Variants in STAT3 observed in about 807,000 individuals in gnomAD.
STAT3 encodes signal transducer and activator of transcription 3, also known as DNA-binding protein APRF.
Under a neutral mutation model 114.3 loss-of-function variants are expected in STAT3, and 7 were observed. The observed-to-expected ratio is 0.06, with a 90% confidence interval of 0.03 to 0.11. The LOEUF is 0.11. Among genes scored for constraint, STAT3 ranks in the 10% least tolerant of loss-of-function variants. STAT3 has a pLI of 1.00. For synonymous variants in STAT3, 331 were observed against 354.5 expected (o/e 0.93, Z 0.74); for missense variants, 364 against 960.9 (o/e 0.38, Z 8.21).
chr17:42,352,594 G>A lies in STAT3; in HGVS notation c.-23-4055C>T, dbSNP rs2083022352. Among the ~76,000 whole-genome samples the A allele has an allele frequency of 2.7e-5, 4 of 150,798 alleles. No homozygotes were observed. In the South Asian group the frequency reaches 8.4e-4, roughly 32 times the overall value. Reference sequence around the variant, plus strand: ...AAATCTGCCTCACATGGAGGTTGCAGTGAGCCAAGATTGTGCATCTACACT... The same window carrying A: ...AAATCTGCCTCACATGGAGGTTGCAATGAGCCAAGATTGTGCATCTACACT... On this transcript the variant is annotated intron_variant, in intron 1 of 23. Coordinates refer to ENST00000264657, the MANE Select transcript of STAT3 (RefSeq NM_139276.3).
chr17:42,323,203 C>T (rs2144696093), intron 19 of STAT3, 57 bp downstream of exon 19: 1 of 1,614,140 alleles, frequency 6.2e-7, no homozygotes, highest in Non-Finnish European at 8.5e-7. Flanking sequence ...TCCCCTGCCA[C>T]TGGCTTGCTG....
At chr17:42,320,947 TTGTGTGTGTG>T (rs112139000) in intron 21 of STAT3, among the ~76,000 whole-genome samples, 9 of 147,018 alleles carry the variant, frequency 6.1e-5, no homozygotes, top group Non-Finnish European at 4.5e-5. Context: ...TTTCTCTTCT[TTGTGTGTGTG>T]TGTGTGTGTG....
At chr17:42,381,038 G>A (rs902776006) in intron 1 of STAT3, among the ~76,000 whole-genome samples, 13 of 152,144 alleles carry the variant, frequency 8.5e-5, no homozygotes, top group South Asian at 2.1e-4. Flanking sequence ...AGTGGACCTC[G>A]TTTCCACAAT....
chr17:42,343,085 T>C (rs1598432907), intron 4 of STAT3, among the ~76,000 whole-genome samples: 1 of 140,714 alleles, frequency 7.1e-6, no homozygotes, highest in South Asian at 2.2e-4. Context: ...GGCAGGAGGA[T>C]CGCTAGGGCC....
intron 2 of STAT3, 55 bp downstream of exon 2, chr17:42,348,334 C>A (rs2082789003): frequency 6.8e-6 from 11 of 1,611,048 alleles, no homozygotes; most frequent in Non-Finnish European, 8.5e-6. Context: ...GAGTTCATGT[C>A]TCTTGACTCA....
chr17:42,328,182 A>T (rs1415963299), intron 14 of STAT3, among the ~76,000 whole-genome samples: 1 of 152,206 alleles, frequency 6.6e-6, no homozygotes, highest in East Asian at 1.9e-4. Context: ...GCACTAATAC[A>T]CATAGCACTG....
At chr17:42,366,187 T>C (rs975069061) in intron 1 of STAT3, among the ~76,000 whole-genome samples, 1 of 152,112 alleles carries the variant, frequency 6.6e-6, no homozygotes, top group South Asian at 2.1e-4. Context: ...AACCCCTTCA[T>C]TAAAAACCTC....
intron 1 of STAT3, among the ~76,000 whole-genome samples, chr17:42,352,768 T>C (rs1285564292): frequency 6.6e-6 from 1 of 152,188 alleles, no homozygotes; most frequent in African/African-American, 2.4e-5. Context: ...TTTATGTAGA[T>C]TCTATTGCAT....
rs1346555692 is a variant in STAT3 at position 42,316,051 on chromosome 17, G to T, written c.2258-251C>A. 2.8e-6 allele frequency: 4 copies of T among 1,407,808 alleles called. No homozygotes were observed. In the African/African-American group the frequency reaches 5.8e-5, roughly 20 times the overall value. 87.2% of individuals were successfully genotyped at this position (1,407,808 alleles called of 1,614,324 possible). A position where few individuals can be genotyped will look rare whatever the true frequency, so the allele number is the denominator to read the frequency against. On this transcript the variant is annotated intron_variant, in intron 23 of 23. Coordinates refer to ENST00000264657, the MANE Select transcript of STAT3 (RefSeq NM_139276.3). ...CCATGTTTACAGAAGCTCTAAGGCT[G>T]TCCTGAGATCTTCTGCCCTTGATCT...
At chr17:42,381,571 A>T (rs1293487303) in intron 1 of STAT3, among the ~76,000 whole-genome samples, 2 of 150,362 alleles carry the variant, frequency 1.3e-5, no homozygotes, top group African/African-American at 2.4e-5. Flanking sequence ...TAAAAATATA[A>T]AAAAAAAAAC....
chr17:42,329,513 C>A (rs2144770045), intron 13 of STAT3, 41 bp downstream of exon 13: 1 of 1,614,154 alleles, frequency 6.2e-7, no homozygotes, highest in Non-Finnish European at 8.5e-7. Context: ...CCCTCTCCGG[C>A]AGCCAGAGGC....
chr17:42,359,415 G>C (rs886716225), intron 1 of STAT3, among the ~76,000 whole-genome samples: 1 of 152,112 alleles, frequency 6.6e-6, no homozygotes, highest in African/African-American at 2.4e-5. Context: ...GCTGTGATTT[G>C]GCATGTTAAT....
intron 1 of STAT3, among the ~76,000 whole-genome samples, chr17:42,375,494 C>T (rs372231461): frequency 1.1e-4 from 16 of 152,318 alleles, no homozygotes; most frequent in African/African-American, 3.4e-4. Flanking sequence ...AAACTCTTCG[C>T]TCTCATGGCC....
chr17:42,364,782 C>T (rs1415420969), intron 1 of STAT3, among the ~76,000 whole-genome samples: 1 of 152,156 alleles, frequency 6.6e-6, no homozygotes, highest in East Asian at 1.9e-4. Flanking sequence ...TGCGCCTGGC[C>T]AAGAATTTAA....
intron 1 of STAT3, among the ~76,000 whole-genome samples, chr17:42,384,128 A>ATTT (rs201020826): frequency 1.2e-4 from 10 of 86,386 alleles, no homozygotes; most frequent in Admixed American, 3.1e-4. Flanking sequence ...TTATTTATTT[A>ATTT]TTTATTTTTT....
chr17:42,360,476 C>T (rs1468377111), intron 1 of STAT3, among the ~76,000 whole-genome samples: 1 of 151,900 alleles, frequency 6.6e-6, no homozygotes, highest in Non-Finnish European at 1.5e-5. Flanking sequence ...AAAACCTCAT[C>T]TCTACTAAAA....
chr17:42,318,136 T>C (rs891040062), intron 21 of STAT3, among the ~76,000 whole-genome samples: 1 of 151,894 alleles, frequency 6.6e-6, no homozygotes, highest in Admixed American at 6.6e-5. Flanking sequence ...CTTTTTTTTT[T>C]TTGAGACGGA....
At chr17:42,336,247 T>C (rs956445608) in intron 8 of STAT3, among the ~76,000 whole-genome samples, 5 of 151,982 alleles carry the variant, frequency 3.3e-5, no homozygotes, top group African/African-American at 4.8e-5. Flanking sequence ...ACAGGAAGGG[T>C]TGCAGTAAGA....
At chr17:42,328,733 C>T (rs2081854824) in intron 14 of STAT3, among the ~76,000 whole-genome samples, 1 of 152,150 alleles carries the variant, frequency 6.6e-6, no homozygotes, top group African/African-American at 2.4e-5. Flanking sequence ...AAGAATTGTT[C>T]AGGGGACAAA....
Sources: gnomAD v4.1 joint callset for allele counts (sites outside exome capture counted in the v4.1 genomes callset) on GRCh38, gnomAD v4.1.1 for gene constraint, MANE v1.5 for transcripts, NCBI Gene and HGNC (gene_info 2026-07-23, HGNC 2026-07-21) for gene names.